The following CACNA1I variants were observed in gnomAD, a reference collection of about 807,000 sequenced individuals.
CACNA1I encodes voltage-dependent T-type calcium channel subunit alpha-1I.
In CACNA1I, 74 loss-of-function variants were observed where a neutral mutation model predicts 201.6. The ratio of observed to expected loss-of-function variants is 0.37; its 90% CI spans 0.30 to 0.45. CACNA1I has a LOEUF of 0.45. CACNA1I is among the 20% of genes least tolerant of loss of function. The pLI, the probability that CACNA1I is intolerant of heterozygous loss-of-function variation, is 1.00. For missense variants in CACNA1I, 2,346 were observed against 3,138.1 expected (o/e 0.75, Z 6.03); for synonymous variants, 1,431 against 1,345.2 (o/e 1.06, Z -1.40).
intron 1 of CACNA1I, among the ~76,000 whole-genome samples, chr22:39,579,757 C>T (rs761809054): frequency 6.6e-6 from 1 of 152,072 alleles, no homozygotes; most frequent in African/African-American, 2.4e-5. Flanking sequence ...AGCGATTCTC[C>T]TGCCTCAGCC....
chr22:39,579,118 C>T (rs772972672), intron 1 of CACNA1I, among the ~76,000 whole-genome samples: 2 of 152,244 alleles, frequency 1.3e-5, no homozygotes, highest in Admixed American at 6.5e-5. Flanking sequence ...ACAGGGCTTA[C>T]GCCTCTGACG....
Position 39,664,756 on chromosome 22 carries a change from G to C in CACNA1I, c.3684G>C (p.Leu1228=). 1 of 1,603,130 alleles carries C rather than the reference G, an allele frequency of 6.2e-7. No individual in the cohort carries two copies. The highest frequency in any genetic ancestry group is 1.1e-5 in the South Asian group (1 of 90,252). Residue 1228 remains leucine, a synonymous_variant, in exon 21 of 37, where the codon CTG becomes CTC. Transcript: ENST00000402142. ...EMTLKVVSLG[L]YFGEQAYLRS... ...CGCCCCAGGTAGTCTCGCTGGGCCT[G>C]TACTTCGGCGAGCAGGCGTACCTAC...
At chr22:39,624,687 C>A (rs962332898) in intron 4 of CACNA1I, among the ~76,000 whole-genome samples, 24 of 152,178 alleles carry the variant, frequency 1.6e-4, no homozygotes, top group African/African-American at 5.3e-4. Context: ...CCTCATTTCG[C>A]GGGACAGACA....
rs558552071 is a variant in CACNA1I, at chr22:39,646,265, C to T, written c.1150-304C>T. Among the ~76,000 whole-genome samples the T allele has an allele frequency of 2.6e-5, 4 of 152,136 alleles. No homozygotes were observed. In the East Asian group the frequency reaches 7.7e-4, roughly 29 times the overall value. On this transcript the variant is annotated intron_variant, in intron 7 of 36. Coordinates refer to ENST00000402142, the MANE Select transcript of CACNA1I (RefSeq NM_021096.4). Reference sequence around the variant, plus strand: ...CCCTGTTTCCACTCGTCCCCTGCATCTCCCCTCCCTTGCATCTGTCTTTTC... The same window carrying T: ...CCCTGTTTCCACTCGTCCCCTGCATTTCCCCTCCCTTGCATCTGTCTTTTC...
At chr22:39,614,260 T>C (rs755734815) in intron 3 of CACNA1I, among the ~76,000 whole-genome samples, 1 of 152,132 alleles carries the variant, frequency 6.6e-6, no homozygotes, top group Non-Finnish European at 1.5e-5. Flanking sequence ...TAGCGAGTGC[T>C]CAGATAACCT....
In CACNA1I at chr22:39,629,719, C is replaced by A. The variant is rs1473952220; in HGVS notation, c.581-4846C>A. Among the ~76,000 whole-genome samples the A allele has an allele frequency of 6.6e-6, 1 of 152,126 alleles. No homozygotes were observed. The highest frequency in any genetic ancestry group is 1.5e-5 in the Non-Finnish European group (1 of 68,020). On this transcript the variant is annotated intron_variant, in intron 4 of 36. Coordinates refer to ENST00000402142, the MANE Select transcript of CACNA1I (RefSeq NM_021096.4). The surrounding 1 kb of genome is among the most constrained non-coding windows in gnomAD (Gnocchi z 4.8). ...CTCCGGTTTCTGTCCCACGTGAGAC[C>A]CCCGGGAGGCAGCGACCACACAGCT...
At chr22:39,660,245 C>A in intron 14 of CACNA1I, 99 bp from the exon 15 acceptor site, 1 of 860,068 alleles carries the variant, frequency 1.2e-6, no homozygotes, top group Non-Finnish European at 1.8e-6. Flanking sequence ...TTCCCATTTG[C>A]AAAATGGCGG....
rs576111397 is a variant in CACNA1I, at chr22:39,618,657, G to A, written c.483-653G>A. Among the ~76,000 whole-genome samples, 7 of 151,838 alleles carry A rather than the reference G, an allele frequency of 4.6e-5. No homozygotes were observed. The South Asian group carries it at 8.4e-4, about 18-fold the overall frequency. Reference sequence around the variant, plus strand: ...CCTACTGACAGTGGTGACATGGGTGGTGACAGGTGGAGCTGGCAGCAGTGC... The same window carrying A: ...CCTACTGACAGTGGTGACATGGGTGATGACAGGTGGAGCTGGCAGCAGTGC... On this transcript the variant is annotated intron_variant, in intron 3 of 36. Coordinates refer to ENST00000402142, the MANE Select transcript of CACNA1I (RefSeq NM_021096.4).
intron 25 of CACNA1I, among the ~76,000 whole-genome samples, chr22:39,670,570 G>A (rs1034870319): frequency 2.0e-5 from 3 of 152,182 alleles, no homozygotes; most frequent in African/African-American, 7.2e-5. Context: ...CTCATTTGGG[G>A]TAGATGGAGA....
Position 39,686,522 on chromosome 22 carries a change from G to A in CACNA1I, c.*117G>A. The A allele has an allele frequency of 1.2e-6, 1 of 809,872 alleles. No homozygotes were observed. The highest frequency in any genetic ancestry group is 1.6e-6 in the Non-Finnish European group (1 of 615,546). The allele number at this position is 809,872 out of a possible 1,614,324, so 50.2% of individuals were successfully genotyped here. A position where few individuals can be genotyped will look rare whatever the true frequency, so the allele number is the denominator to read the frequency against. The stretch of plus-strand genomic sequence containing the variant: ...CCTGGGATCGCGCAGGGCCCGCAGG[G>A]CACAGGCGCCCGACAGCCGGGCTGA... On this transcript the variant is annotated 3_prime_UTR_variant, in exon 37 of 37. Coordinates refer to ENST00000402142, the MANE Select transcript of CACNA1I (RefSeq NM_021096.4).
rs1203450118 is a variant in CACNA1I, at chr22:39,684,058, G to A, written c.5831-244G>A. ...AGCCCGCGTCTGCTTGCCTCCAAAA[G>A]CTGTGTCTTTGCCCAGGGCCCCCGC... is the stretch of plus-strand genomic sequence containing the variant. On this transcript the variant is annotated intron_variant, in intron 35 of 36. Transcript: ENST00000402142. This position sits in a 1 kb window ranked among gnomAD's most constrained non-coding sequence, Gnocchi z 4.6. Among the ~76,000 whole-genome samples, 1 of 152,226 alleles carries A rather than the reference G, an allele frequency of 6.6e-6. No homozygotes were observed. The highest frequency in any genetic ancestry group is 2.4e-5 in the African/African-American group (1 of 41,460).
At chr22:39,646,992 T>C in intron 8 of CACNA1I, 111 bp downstream of exon 8, 3 of 1,411,942 alleles carry the variant, frequency 2.1e-6, no homozygotes, top group Non-Finnish European at 2.8e-6. Flanking sequence ...CTTCACTTCA[T>C]GCTCAAGTGT....
At position 39,685,916 on chromosome 22, in the gene CACNA1I, C is replaced by A. The variant is rs1393503613; in HGVS notation, c.6183C>A (p.Pro2061=). The A allele has an allele frequency of 6.8e-6, 9 of 1,319,478 alleles. 1 individual carries two copies. The highest frequency in any genetic ancestry group is 7.7e-6 in the Non-Finnish European group (8 of 1,045,032). The allele number at this position is 1,319,478 out of a possible 1,614,324, so 81.7% of individuals were successfully genotyped here. A position where few individuals can be genotyped will look rare whatever the true frequency, so the allele number is the denominator to read the frequency against. ...CAGGACCCCGGGCCGGCCTGTCCCCCGCCGCTCGCCGCCGCCTGAGCCTGC... is the reference window on the plus strand; with the variant it reads ...CAGGACCCCGGGCCGGCCTGTCCCCAGCCGCTCGCCGCCGCCTGAGCCTGC... ...PAPGPRAGLS[P]AARRRLSLRG... is the part of the protein sequence containing the mutation. Residue 2061 remains proline, a synonymous_variant, in exon 37 of 37, where the codon CCC becomes CCA. Coordinates refer to ENST00000402142, the MANE Select transcript of CACNA1I (RefSeq NM_021096.4). This position sits in a 1 kb window ranked among gnomAD's most constrained non-coding sequence, Gnocchi z 5.0.
At chr22:39,587,909 G>A (rs1228087806) in intron 1 of CACNA1I, among the ~76,000 whole-genome samples, 1 of 151,896 alleles carries the variant, frequency 6.6e-6, no homozygotes, top group East Asian at 1.9e-4. Context: ...TGGAGTAGCT[G>A]GGACTACAGG....
chr22:39,677,688 G>A lies in CACNA1I; in HGVS notation c.4933+269G>A, dbSNP rs570250899. On this transcript the variant is annotated intron_variant, in intron 30 of 36. Coordinates refer to ENST00000402142, the MANE Select transcript of CACNA1I (RefSeq NM_021096.4). This position sits in a 1 kb window ranked among gnomAD's most constrained non-coding sequence, Gnocchi z 4.8. ...AGCAACAGAGCGCTCGCTGAGCTCC[G>A]CCCTGCACCGGGATGGCTCCAGAAA... is the stretch of plus-strand genomic sequence containing the variant. 3.7e-4 allele frequency among the ~76,000 whole-genome samples: 57 copies of A among 152,312 alleles called. No homozygotes were observed. Among genetic ancestry groups the A allele is most frequent in the Non-Finnish European group, 7.8e-4 (53 of 68,012 alleles).
In CACNA1I at chr22:39,659,417, T is replaced by C. The variant is rs749124918; in HGVS notation, c.2331-16T>C. 6.6e-6 allele frequency: 10 copies of C among 1,507,398 alleles called. No individual in the cohort carries two copies. The African/African-American group carries it at 1.2e-4, about 19-fold the overall frequency. 93.4% of individuals were successfully genotyped at this position (1,507,398 alleles called of 1,614,324 possible). A position where few individuals can be genotyped will look rare whatever the true frequency, so the allele number is the denominator to read the frequency against. The stretch of plus-strand genomic sequence containing the variant: ...GTGCATGTGAGTCCGATGAGCCTCT[T>C]CCATCCTTTCCCCAGCATCCTTGGG... On this transcript the variant is annotated splice_polypyrimidine_tract_variant and intron_variant, in intron 12 of 36. Coordinates refer to ENST00000402142, the MANE Select transcript of CACNA1I (RefSeq NM_021096.4). The surrounding 1 kb of genome is among the most constrained non-coding windows in gnomAD (Gnocchi z 4.3).
chr22:39,662,576 G>T (rs1935061038), intron 17 of CACNA1I, 141 bp downstream of exon 17: 1 of 732,388 alleles, frequency 1.4e-6, no homozygotes, highest in Non-Finnish European at 2.2e-6. Flanking sequence ...GGCTTCAGGT[G>T]TGAGGCAGGA....
At chr22:39,674,178 G>A (rs1368048686) in intron 29 of CACNA1I, 145 bp downstream of exon 29, 1 of 747,308 alleles carries the variant, frequency 1.3e-6, no homozygotes, top group Non-Finnish European at 2.2e-6. Context: ...TTGAGCCAGG[G>A]GCTGAGAGGC....
intron 3 of CACNA1I, 142 bp downstream of exon 3, chr22:39,600,795 T>C (rs999910472): frequency 2.8e-6 from 3 of 1,088,046 alleles, no homozygotes; most frequent in Non-Finnish European, 3.7e-6. Context: ...CTGGGAGGAA[T>C]GATGGACAGA....
Sources: gnomAD v4.1 joint callset for allele counts (sites outside exome capture counted in the v4.1 genomes callset) on GRCh38, gnomAD v4.1.1 for gene constraint, Gnocchi (gnomAD v3.1) non-coding constraint, MANE v1.5 for transcripts, NCBI Gene and HGNC (gene_info 2026-07-23, HGNC 2026-07-21) for gene names.